The following MFSD12 variants were observed in gnomAD, a reference collection of about 807,000 sequenced individuals.
MFSD12 encodes the protein major facilitator superfamily domain containing 12.
MFSD12 carries 67 observed loss-of-function variants against 51.2 expected under a neutral mutation model. That is an observed-to-expected ratio of 1.31 (90% CI 1.08 to 1.60). The LOEUF (loss-of-function observed/expected upper bound fraction) is 1.60, where lower values mean the gene tolerates loss of function less well. MFSD12 is among the 40% of genes most tolerant of loss of function. MFSD12 has a pLI of 0.00. For missense variants in MFSD12, 921 were observed against 673.0 expected (o/e 1.37, Z -4.08); for synonymous variants, 441 against 316.7 (o/e 1.39, Z -4.17).
chr19:3,546,904 T>G (rs2020991), intron 6 of MFSD12, among the ~76,000 whole-genome samples: 151,483 of 151,758 alleles, frequency 1, 75,605 homozygotes, highest in East Asian at 1. Flanking sequence ...TGTGATCTCA[T>G]CTCACTGCAA....
At chr19:3,543,709 G>A, downstream of MFSD12, 2 of 1,503,282 alleles carry the variant, frequency 1.3e-6, no homozygotes, top group Non-Finnish European at 1.8e-6. Flanking sequence ...TGGGTCCTTG[G>A]GAGGCCAGGG....
downstream of MFSD12, chr19:3,543,852 G>A (rs1316027314): frequency 1.3e-6 from 2 of 1,545,940 alleles, no homozygotes; most frequent in Non-Finnish European, 8.7e-7. Flanking sequence ...CCGGTACGGG[G>A]TGGAGCCACT....
downstream of MFSD12, chr19:3,542,856 G>A (rs993866036): frequency 7.2e-7 from 1 of 1,383,626 alleles, no homozygotes; most frequent in Non-Finnish European, 9.7e-7. Flanking sequence ...TGCACCTCCA[G>A]GCCAGGGGGG....
chr19:3,545,353 C>A (rs1309480179), intron 8 of MFSD12, among the ~76,000 whole-genome samples: 1 of 152,206 alleles, frequency 6.6e-6, no homozygotes, highest in Admixed American at 6.5e-5. Flanking sequence ...GTCAAATCCC[C>A]TAAGTCCTCC....
At chr19:3,545,142 A>G (rs564364250) in intron 8 of MFSD12, among the ~76,000 whole-genome samples, 37 of 152,086 alleles carry the variant, frequency 2.4e-4, no homozygotes, top group African/African-American at 8.0e-4. Flanking sequence ...TCCATGCCAA[A>G]TCCACCATGT....
At chr19:3,549,861 T>C (rs993037671) in intron 2 of MFSD12, among the ~76,000 whole-genome samples, 2 of 151,680 alleles carry the variant, frequency 1.3e-5, no homozygotes, top group African/African-American at 4.8e-5. Context: ...TGAAACCCCG[T>C]GTCTACTAAA....
At chr19:3,544,018 C>T (rs764637209), downstream of MFSD12, 307 of 1,529,420 alleles carry the variant, frequency 2.0e-4, 1 homozygote, top group Non-Finnish European at 2.7e-4. Context: ...TAAAGGCATG[C>T]TACCAGGATG....
intron 1 of MFSD12, among the ~76,000 whole-genome samples, chr19:3,555,882 C>A (rs1180256644): frequency 6.6e-6 from 1 of 152,234 alleles, no homozygotes; most frequent in Admixed American, 6.5e-5. Flanking sequence ...GGCTAATCTT[C>A]AGGCCCAGGG....
At chr19:3,539,432 C>A (rs935122264), downstream of MFSD12, 1 of 587,040 alleles carries the variant, frequency 1.7e-6, no homozygotes, top group Non-Finnish European at 3.1e-6. Context: ...GGCCAGTGGC[C>A]GCTCACTGTG....
At chr19:3,542,410 C>G (rs1191252513), downstream of MFSD12, 21 of 985,304 alleles carry the variant, frequency 2.1e-5, no homozygotes, top group Non-Finnish European at 2.2e-5. Context: ...ACCTTGTTTT[C>G]TGGGATGACT....
chr19:3,547,040 G>A (rs539893748), intron 6 of MFSD12, among the ~76,000 whole-genome samples: 32 of 152,248 alleles, frequency 2.1e-4, no homozygotes, highest in African/African-American at 5.5e-4. Context: ...GGGTTTCACC[G>A]TGTTAGCCAG....
intron 1 of MFSD12, among the ~76,000 whole-genome samples, chr19:3,556,118 C>T (rs2031711138): frequency 6.6e-6 from 1 of 152,234 alleles, no homozygotes; most frequent in Non-Finnish European, 1.5e-5. Flanking sequence ...ACCCAGGCGG[C>T]TCCCAACTCT....
intron 1 of MFSD12, among the ~76,000 whole-genome samples, chr19:3,556,373 A>G (rs1396861191): frequency 2.0e-5 from 3 of 152,244 alleles, no homozygotes; most frequent in Non-Finnish European, 4.4e-5. Context: ...CCCACTAGAA[A>G]GTCATGTAGT....
At chr19:3,543,526 A>G (rs1439737065), downstream of MFSD12, 1 of 1,362,540 alleles carries the variant, frequency 7.3e-7, no homozygotes, top group East Asian at 3.3e-5. Context: ...GGGGGACAGG[A>G]ATGACCGCCA....
At chr19:3,546,006 GAC>G in intron 8 of MFSD12, 66 bp downstream of exon 8, 1 of 1,525,476 alleles carries the variant, frequency 6.6e-7, no homozygotes. Flanking sequence ...AACACTGCTG[GAC>G]ACACAGCAGG....
chr19:3,543,993 A>G (rs2030706490), downstream of MFSD12: 2 of 1,543,588 alleles, frequency 1.3e-6, no homozygotes, highest in Non-Finnish European at 1.8e-6. Context: ...GCCTTCCCTC[A>G]CACCCACTCC....
chr19:3,550,237 C>T (rs543995537), intron 2 of MFSD12, among the ~76,000 whole-genome samples: 6 of 152,072 alleles, frequency 3.9e-5, no homozygotes, highest in Non-Finnish European at 8.8e-5. Flanking sequence ...CTCCTGACCC[C>T]CAGAAACTGT....
Position 3,551,538 on chromosome 19 carries a change from C to G in MFSD12, c.299-344G>C, listed in dbSNP as rs1241141157. Among the ~76,000 whole-genome samples, 2 of 152,134 alleles carry G rather than the reference C, an allele frequency of 1.3e-5. No homozygotes were observed. Among genetic ancestry groups the G allele is most frequent in the African/African-American group, 4.8e-5 (2 of 41,436 alleles). On this transcript the variant is annotated intron_variant, in intron 1 of 9. Transcript: ENST00000355415. The surrounding 1 kb of genome is among the most constrained non-coding windows in gnomAD (Gnocchi z 4.6). ...GGCCACTATCAAGCCTCCCATAGGG[C>G]CTCGGGGAGCGGGAGGCCCAGGTGG...
chr19:3,547,948 T>A lies in MFSD12; in HGVS notation c.737A>T (p.His246Leu). The change falls in exon 4 of 10, where the codon CAT becomes CTT. Residue 246 changes from histidine (H) to leucine (L), a missense_variant. His to Leu is a moderately conservative substitution (Grantham distance 99). Transcript: ENST00000355415. ...HLGTRERRRPHAEEPGEHTPL... is the reference protein window; with the variant it reads ...HLGTRERRRPLAEEPGEHTPL... ...GGTGTGCTCGCCTGGCTCCTCCGCA[T>A]GCGGCCGGCGCCTCTCCCGGGTGCC... 6.3e-7 allele frequency: 1 copy of A among 1,593,970 alleles called. No individual in the cohort carries two copies. The highest frequency in any genetic ancestry group is 8.5e-7 in the Non-Finnish European group (1 of 1,177,064).
Sources: gnomAD v4.1 joint callset for allele counts (sites outside exome capture counted in the v4.1 genomes callset) on GRCh38, gnomAD v4.1.1 for gene constraint, Gnocchi (gnomAD v3.1) non-coding constraint, MANE v1.5 for transcripts, NCBI Gene and HGNC (gene_info 2026-07-23, HGNC 2026-07-21) for gene names.